Variants in MERTK observed in about 807,000 individuals in gnomAD.
The protein encoded by MERTK is tyrosine-protein kinase Mer.
In MERTK, 69 loss-of-function variants were observed where a neutral mutation model predicts 99.3. The ratio of observed to expected loss-of-function variants is 0.70; its 90% CI spans 0.57 to 0.85. MERTK has a LOEUF of 0.85. Among genes scored for constraint, MERTK ranks in the 40% least tolerant of loss-of-function variants. MERTK has a pLI of 0.00. For synonymous variants in MERTK, 426 were observed against 467.6 expected (o/e 0.91, Z 1.15); for missense variants, 1,125 against 1,249.4 (o/e 0.90, Z 1.50).
intron 1 of MERTK, among the ~76,000 whole-genome samples, chr2:111,918,551 A>G (rs7571447): frequency 6.6e-6 from 1 of 152,036 alleles, no homozygotes; most frequent in Non-Finnish European, 1.5e-5. Flanking sequence ...TTCTGTGACA[A>G]TTGGCATGCT....
intron 14 of MERTK, among the ~76,000 whole-genome samples, chr2:112,009,107 C>G (rs1677043711): frequency 6.6e-6 from 1 of 152,142 alleles, no homozygotes; most frequent in Non-Finnish European, 1.5e-5. Context: ...TTCTGCTGAC[C>G]TTGGTGTTTT....
intron 5 of MERTK, 30 bp from the exon 6 acceptor site, chr2:111,968,107 A>AGGTGTG (rs1553452633): frequency 9.2e-7 from 1 of 1,084,308 alleles, no homozygotes; most frequent in Non-Finnish European, 1.3e-6. Flanking sequence ...TTGTGTGTGT[A>AGGTGTG]TGTGTGTGTG....
intron 5 of MERTK, among the ~76,000 whole-genome samples, chr2:111,965,868 A>G (rs1446834632): frequency 1.2e-4 from 18 of 152,294 alleles, no homozygotes; most frequent in Admixed American, 1.1e-3. Context: ...CCTCTGAGCT[A>G]GGATTTCACT....
At position 111,974,825 on chromosome 2, in the gene MERTK, A is replaced by G. The variant is rs545651659; in HGVS notation, c.961-464A>G. Among the ~76,000 whole-genome samples, 723 of 151,708 alleles carry G rather than the reference A, an allele frequency of 4.8e-3. 10 individuals are homozygous for G. Among genetic ancestry groups the G allele is most frequent in the African/African-American group, 0.017 (704 of 41,422 alleles). On this transcript the variant is annotated intron_variant, in intron 6 of 18. Coordinates refer to ENST00000295408, the MANE Select transcript of MERTK (RefSeq NM_006343.3). ...AAGAAAAGAAAAGAAAAAGAAAGCAAGAAACCCATCCTCTAAAAGCAGAAT... is the reference window on the plus strand; with the variant it reads ...AAGAAAAGAAAAGAAAAAGAAAGCAGGAAACCCATCCTCTAAAAGCAGAAT...
chr2:111,916,768 CA>C (rs1447503124), intron 1 of MERTK, among the ~76,000 whole-genome samples: 3 of 152,066 alleles, frequency 2.0e-5, no homozygotes, highest in Admixed American at 1.3e-4. Flanking sequence ...TTTTGGCACA[CA>C]GACATTTTGA....
intron 12 of MERTK, chr2:112,003,436 G>T: frequency 2.7e-6 from 1 of 369,556 alleles, no homozygotes; most frequent in Non-Finnish European, 4.9e-6. Flanking sequence ...TTTCTTCATT[G>T]AAAAGCATGT....
intron 1 of MERTK, among the ~76,000 whole-genome samples, chr2:111,899,892 G>A (rs1054033263): frequency 5.3e-5 from 8 of 151,996 alleles, no homozygotes; most frequent in African/African-American, 1.7e-4. Flanking sequence ...TGCTTGAACA[G>A]CTTATTTGGG....
At chr2:111,905,499 C>T (rs749486395) in intron 1 of MERTK, among the ~76,000 whole-genome samples, 5 of 119,832 alleles carry the variant, frequency 4.2e-5, no homozygotes, top group South Asian at 2.8e-4. Context: ...AGTGCAGTGG[C>T]GCGATCTCAG....
At chr2:111,915,436 T>C (rs574072147) in intron 1 of MERTK, among the ~76,000 whole-genome samples, 45 of 152,208 alleles carry the variant, frequency 3.0e-4, no homozygotes, top group Admixed American at 2.6e-3. Flanking sequence ...TTTCCCTGTG[T>C]TCTAAACTTA....
intron 4 of MERTK, among the ~76,000 whole-genome samples, chr2:111,953,624 G>A (rs550817961): frequency 2.0e-5 from 3 of 151,998 alleles, no homozygotes; most frequent in African/African-American, 4.8e-5. Context: ...CGCCCAGGCT[G>A]GAGTGCAATG....
chr2:112,010,053 A>G lies in MERTK; in HGVS notation c.2066A>G (p.Glu689Gly). Residue 689 changes from glutamate (E) to glycine (G), a missense_variant, in exon 15 of 19, where the codon GAG becomes GGG. Transcript: ENST00000295408. Reference protein sequence around the residue: ...LHTYLLYSRLETGPKHIPLQT... With the variant: ...LHTYLLYSRLGTGPKHIPLQT... ...ACTTACTTACTTTATTCCCGATTGG[A>G]GACAGGACCAAAGGTAATGATCTCC... 2 of 1,608,358 alleles carry G rather than the reference A, an allele frequency of 1.2e-6. No individual in the cohort carries two copies. Among genetic ancestry groups the G allele is most frequent in the Non-Finnish European group, 1.7e-6 (2 of 1,174,870 alleles).
chr2:111,972,949 C>G (rs924869149), intron 6 of MERTK, among the ~76,000 whole-genome samples: 1 of 152,202 alleles, frequency 6.6e-6, no homozygotes, highest in African/African-American at 2.4e-5. Context: ...ATTTTAAACT[C>G]TGACTCGGGA....
At chr2:111,980,100 C>A (rs1676338421) in intron 7 of MERTK, among the ~76,000 whole-genome samples, 1 of 152,200 alleles carries the variant, frequency 6.6e-6, no homozygotes, top group South Asian at 2.1e-4. Context: ...AAATTGGTTT[C>A]TTTCCTCTGT....
chr2:112,004,278 C>G (rs1437052428), intron 13 of MERTK, among the ~76,000 whole-genome samples: 2 of 152,102 alleles, frequency 1.3e-5, no homozygotes, highest in African/African-American at 4.8e-5. Flanking sequence ...TCACTCTCAT[C>G]TAGTAGAGCT....
rs145401174 is a variant in MERTK at position 111,918,305 on chromosome 2, A to G, written c.62-10815A>G. ...GGTCTGGTCTTCCGGAGATAGTCAC[A>G]TTTTAAAAGAAAATTGTTTTTTCCT... On this transcript the variant is annotated intron_variant, in intron 1 of 18. Transcript: ENST00000295408. 1.8e-3 allele frequency among the ~76,000 whole-genome samples: 277 copies of G among 152,332 alleles called. 2 individuals carry two copies. Among genetic ancestry groups the G allele is most frequent in the African/African-American group, 6.1e-3 (253 of 41,572 alleles).
At chr2:112,011,822 G>T (rs1051861780) in intron 15 of MERTK, among the ~76,000 whole-genome samples, 3 of 152,222 alleles carry the variant, frequency 2.0e-5, no homozygotes, top group African/African-American at 7.2e-5. Flanking sequence ...CTCTAAGGTG[G>T]GCACTGAGCT....
At chr2:111,923,548 C>T (rs1340762796) in intron 1 of MERTK, among the ~76,000 whole-genome samples, 3 of 152,058 alleles carry the variant, frequency 2.0e-5, no homozygotes, top group East Asian at 3.9e-4. Flanking sequence ...TAGCAGCACT[C>T]GTTTATGTGA....
At chr2:111,977,999 C>T (rs1415114493) in intron 7 of MERTK, among the ~76,000 whole-genome samples, 2 of 152,014 alleles carry the variant, frequency 1.3e-5, no homozygotes, top group African/African-American at 4.8e-5. Context: ...TGGAGTGCAG[C>T]GCCAATCATA....
At chr2:111,913,110 G>C (rs1684282999) in intron 1 of MERTK, 1 of 978,748 alleles carries the variant, frequency 1.0e-6, no homozygotes, top group African/African-American at 1.7e-5. Flanking sequence ...TTACCCAGTA[G>C]AAGATATTGA....
Sources: gnomAD v4.1 joint callset for allele counts (sites outside exome capture counted in the v4.1 genomes callset) on GRCh38, gnomAD v4.1.1 for gene constraint, MANE v1.5 for transcripts, NCBI Gene and HGNC (gene_info 2026-07-23, HGNC 2026-07-21) for gene names.